The following GOLT1B variants were observed in gnomAD, a reference collection of about 807,000 sequenced individuals.
GOLT1B encodes the protein vesicle transport protein GOT1B.
GOLT1B carries 3 observed loss-of-function variants against 15.4 expected under a neutral mutation model. The ratio of observed to expected loss-of-function variants is 0.19; its 90% CI spans 0.09 to 0.50. The LOEUF (loss-of-function observed/expected upper bound fraction) is 0.50, where lower values mean the gene tolerates loss of function less well. GOLT1B is among the 20% of genes least tolerant of loss of function. The pLI is 0.97. For missense variants in GOLT1B, 145 were observed against 160.4 expected (o/e 0.90, Z 0.52); for synonymous variants, 65 against 56.2 (o/e 1.16, Z -0.70).
intron 4 of GOLT1B, among the ~76,000 whole-genome samples, chr12:21,513,046 G>A (rs1029247265): frequency 4.0e-5 from 6 of 149,210 alleles, no homozygotes; most frequent in African/African-American, 1.5e-4. Flanking sequence ...TAGCCTGGGT[G>A]GGTGACACAG....
intron 1 of GOLT1B, 95 bp downstream of exon 1, chr12:21,502,043 G>A (rs1005810457): frequency 1.1e-6 from 1 of 902,730 alleles, no homozygotes; most frequent in Non-Finnish European, 1.8e-6. Context: ...ATGAAGCTCT[G>A]GGTTGGGGGC....
intron 1 of GOLT1B, among the ~76,000 whole-genome samples, chr12:21,505,395 A>G (rs34965831): frequency 0.42 from 64,238 of 152,030 alleles, 14,898 homozygotes; most frequent in East Asian, 0.68. Flanking sequence ...CTATGAAATT[A>G]TGTCCACTAT....
chr12:21,502,781 C>G (rs1943645250), intron 1 of GOLT1B, among the ~76,000 whole-genome samples: 1 of 152,160 alleles, frequency 6.6e-6, no homozygotes, highest in African/African-American at 2.4e-5. Flanking sequence ...TCTGCCCAAG[C>G]TCTGTACCTC....
In GOLT1B at chr12:21,515,662, C is replaced by A; in HGVS notation, c.379-7C>A. On this transcript the variant is annotated splice_polypyrimidine_tract_variant and splice_region_variant and intron_variant, in intron 4 of 4. Transcript: ENST00000229314. ...TCTTTAATTCTCTGTTTTTCTTCTCCTTACAGTTTGTAGATAAAGTTGGAG... is the reference window on the plus strand; with the variant it reads ...TCTTTAATTCTCTGTTTTTCTTCTCATTACAGTTTGTAGATAAAGTTGGAG... The A allele has an allele frequency of 7.5e-7, 1 of 1,326,774 alleles. No homozygotes were observed. Among genetic ancestry groups the A allele is most frequent in the Non-Finnish European group, 1.1e-6 (1 of 930,812 alleles). 82.2% of individuals were successfully genotyped at this position (1,326,774 alleles called of 1,614,324 possible).
chr12:21,508,056 C>T (rs1003160979), intron 2 of GOLT1B: 1 of 414,308 alleles, frequency 2.4e-6, no homozygotes, highest in East Asian at 7.5e-5. Flanking sequence ...CTTGACTAAG[C>T]CTTCCTCATC....
intron 1 of GOLT1B, among the ~76,000 whole-genome samples, chr12:21,504,202 T>G (rs1943661978): frequency 6.6e-6 from 1 of 152,224 alleles, no homozygotes; most frequent in African/African-American, 2.4e-5. Context: ...TTTTAACTTG[T>G]GGACAGTTTT....
intron 3 of GOLT1B, among the ~76,000 whole-genome samples, chr12:21,510,202 G>A (rs1035631269): frequency 6.6e-6 from 1 of 152,138 alleles, no homozygotes. Flanking sequence ...AGGGTAGGTG[G>A]AGAAAAAGAA....
intron 4 of GOLT1B, among the ~76,000 whole-genome samples, chr12:21,514,700 TA>T (rs1943743567): frequency 6.6e-6 from 1 of 152,196 alleles, no homozygotes; most frequent in African/African-American, 2.4e-5. Context: ...TATTTATACC[TA>T]GAATGGCTTT....
At chr12:21,515,325 T>G (rs1943748132) in intron 4 of GOLT1B, 3 of 793,946 alleles carry the variant, frequency 3.8e-6, no homozygotes, top group Non-Finnish European at 5.8e-6. Context: ...GACATTTCAG[T>G]TTTTTTTATG....
chr12:21,509,842 A>AG (rs1300096434), intron 3 of GOLT1B, among the ~76,000 whole-genome samples: 1 of 152,234 alleles, frequency 6.6e-6, no homozygotes, highest in Non-Finnish European at 1.5e-5. Context: ...CTTATAGAAC[A>AG]GGAGCATGTG....
At chr12:21,505,753 G>A (rs1388124980) in intron 1 of GOLT1B, among the ~76,000 whole-genome samples, 7 of 152,122 alleles carry the variant, frequency 4.6e-5, no homozygotes, top group Non-Finnish European at 7.4e-5. Flanking sequence ...ATCAGTGATA[G>A]GGTATTTTAA....
rs1943763721 is a variant in GOLT1B, at chr12:21,517,362, G to A, written c.*1655G>A. 6.6e-6 allele frequency: 1 copy of A among 152,350 alleles called. No homozygotes were observed. The highest frequency in any genetic ancestry group is 1.5e-5 in the Non-Finnish European group (1 of 67,854). The allele number at this position is 152,350 out of a possible 1,614,324, so 9.4% of individuals were successfully genotyped here. On this transcript the variant is annotated 3_prime_UTR_variant, in exon 5 of 5. Transcript: ENST00000229314. ...GAGACTCCTACCTCAATAGTTAATG[G>A]AATAATAAGAGGCTACTGTTGTGTC...
At chr12:21,505,386 T>C (rs1400682894) in intron 1 of GOLT1B, among the ~76,000 whole-genome samples, 4 of 152,204 alleles carry the variant, frequency 2.6e-5, no homozygotes. Context: ...TATTTTCCTC[T>C]ATGAAATTAT....
intron 3 of GOLT1B, among the ~76,000 whole-genome samples, chr12:21,509,075 A>G (rs1340198960): frequency 6.6e-6 from 1 of 152,200 alleles, no homozygotes; most frequent in African/African-American, 2.4e-5. Flanking sequence ...CAGTTAGCAG[A>G]TAAACAATAG....
intron 1 of GOLT1B, among the ~76,000 whole-genome samples, chr12:21,503,738 G>A (rs1943658217): frequency 6.6e-6 from 1 of 152,166 alleles, no homozygotes; most frequent in Admixed American, 6.5e-5. Flanking sequence ...TAACTGCAGG[G>A]ATTGGCCATC....
chr12:21,504,369 C>A (rs1364783779), intron 1 of GOLT1B, among the ~76,000 whole-genome samples: 3 of 152,166 alleles, frequency 2.0e-5, no homozygotes, highest in Non-Finnish European at 4.4e-5. Flanking sequence ...GAAAAAGGCA[C>A]AATGAGGCCA....
Position 21,513,057 on chromosome 12 carries a change from T to C in GOLT1B, c.378+681T>C, listed in dbSNP as rs867072279. 3.8e-5 allele frequency among the ~76,000 whole-genome samples: 4 copies of C among 105,960 alleles called. 1 individual carries two copies. The highest frequency in any genetic ancestry group is 7.2e-5 in the Non-Finnish European group (4 of 55,470). 69.5% of individuals were successfully genotyped at this position (105,960 alleles called of 152,430 possible). On this transcript the variant is annotated intron_variant, in intron 4 of 4. Transcript: ENST00000229314. ...ACTTTAGCCTGGGTGGGTGACACAGTAAGACCCTGTCTCAAAAAAAAAAAA... is the reference window on the plus strand; with the variant it reads ...ACTTTAGCCTGGGTGGGTGACACAGCAAGACCCTGTCTCAAAAAAAAAAAA...
chr12:21,508,434 A>C lies in GOLT1B; in HGVS notation c.169A>C (p.Arg57=). 6.3e-7 allele frequency: 1 copy of C among 1,596,040 alleles called. No individual in the cohort carries two copies. The highest frequency in any genetic ancestry group is 1.3e-5 in the African/African-American group (1 of 74,320). The change falls in exon 3 of 5, where the codon AGA becomes CGA. Residue 57 remains arginine (R), a synonymous_variant. Coordinates refer to ENST00000229314, the MANE Select transcript of GOLT1B (RefSeq NM_016072.5). ...AFVIGLERTF[R]FFFQKHKMKA... is the part of the protein sequence containing the mutation. ...TGTAATTGGTTTAGAAAGAACATTC[A>C]GATTCTTCTTCCAAAAACATAAAAT...
intron 1 of GOLT1B, among the ~76,000 whole-genome samples, chr12:21,503,928 A>G (rs530661155): frequency 2.6e-5 from 4 of 152,356 alleles, no homozygotes; most frequent in African/African-American, 9.6e-5. Flanking sequence ...CTGCCTCTAA[A>G]TCTTCATTTC....
Sources: allele counts gnomAD v4.1 joint callset (sites outside exome capture counted in the v4.1 genomes callset), GRCh38; gene constraint gnomAD v4.1.1; transcripts MANE v1.5; gene names NCBI Gene and HGNC (gene_info 2026-07-23, HGNC 2026-07-21).